The following NTRK3 variants were observed in gnomAD, a reference collection of about 807,000 sequenced individuals.
The protein encoded by NTRK3 is NT-3 growth factor receptor.
NTRK3 carries 24 observed loss-of-function variants against 91.7 expected under a neutral mutation model. The observed-to-expected ratio is 0.26, with a 90% CI of 0.19 to 0.37. The LOEUF (loss-of-function observed/expected upper bound fraction) is 0.37. Ranked by LOEUF, NTRK3 falls within the 10% of genes least tolerant of loss-of-function variation. The pLI, the probability that NTRK3 is intolerant of heterozygous loss-of-function variation, is 1.00. For missense variants in NTRK3, 880 were observed against 1,068.9 expected (o/e 0.82, Z 2.46); for synonymous variants, 483 against 404.0 (o/e 1.20, Z -2.34).
At chr15:87,999,817 G>A (rs889495466) in intron 14 of NTRK3, among the ~76,000 whole-genome samples, 10 of 152,300 alleles carry the variant, frequency 6.6e-5, no homozygotes, top group African/African-American at 2.2e-4. Context: ...ATCAAAGAGG[G>A]AGGGAGGAGG....
chr15:88,151,402 AG>A (rs2043363697), intron 5 of NTRK3, among the ~76,000 whole-genome samples: 2 of 152,148 alleles, frequency 1.3e-5, no homozygotes, highest in African/African-American at 2.4e-5. Context: ...GACAGAGCTG[AG>A]ATGTCACCTC....
chr15:88,078,335 T>G (rs78911103), intron 13 of NTRK3, among the ~76,000 whole-genome samples: 4,631 of 152,184 alleles, frequency 0.03, 224 homozygotes, highest in African/African-American at 0.1. Context: ...AACAGGTGCT[T>G]CGATAATAGT....
intron 17 of NTRK3, among the ~76,000 whole-genome samples, chr15:87,912,368 C>A (rs1402431139): frequency 6.6e-6 from 1 of 152,154 alleles, no homozygotes; most frequent in African/African-American, 2.4e-5. Flanking sequence ...AAACTCTCAT[C>A]CCTTGAAAAA....
exon 6 of NTRK3, chr15:88,147,357 G>C: frequency 2.5e-6 from 4 of 1,613,748 alleles, no homozygotes; most frequent in Non-Finnish European, 3.4e-6. Flanking sequence ...CTCAGCGTCT[G>C]GAAGAGCTGC....
chr15:88,092,033 TCAC>T (rs1258255673), intron 13 of NTRK3, among the ~76,000 whole-genome samples: 11 of 152,140 alleles, frequency 7.2e-5, no homozygotes, highest in Non-Finnish European at 1.6e-4. Flanking sequence ...AGATCACACA[TCAC>T]AACAAGGCAA....
At chr15:88,096,413 G>A (rs549483909) in intron 13 of NTRK3, among the ~76,000 whole-genome samples, 111 of 152,258 alleles carry the variant, frequency 7.3e-4, no homozygotes, top group African/African-American at 2.5e-3. Context: ...AGCCCCACTG[G>A]AGAAGACCCT....
intron 13 of NTRK3, among the ~76,000 whole-genome samples, chr15:88,106,809 T>C (rs2050758523): frequency 6.6e-6 from 1 of 152,006 alleles, no homozygotes; most frequent in African/African-American, 2.4e-5. Flanking sequence ...GGTGGGTGCC[T>C]GTAATCCCAG....
chr15:88,106,643 T>A (rs1389789185), intron 13 of NTRK3, among the ~76,000 whole-genome samples: 1 of 152,114 alleles, frequency 6.6e-6, no homozygotes, highest in South Asian at 2.1e-4. Context: ...AAAATATGTA[T>A]GAGAATGGGC....
intron 14 of NTRK3, chr15:87,979,281 C>G: frequency 8.4e-7 from 1 of 1,191,672 alleles, no homozygotes; most frequent in Non-Finnish European, 1.3e-6. Flanking sequence ...CCTAGAGCTT[C>G]CAACCTCTCA....
chr15:87,877,114 C>T (rs56393451), exon 19 of NTRK3: 1 of 1,614,032 alleles, frequency 6.2e-7, no homozygotes, highest in Non-Finnish European at 8.5e-7. Flanking sequence ...GTAATGCACT[C>T]AATGACCTGA....
At chr15:87,932,727 C>T (rs538926144) in intron 16 of NTRK3, among the ~76,000 whole-genome samples, 2 of 152,250 alleles carry the variant, frequency 1.3e-5, no homozygotes, top group African/African-American at 4.8e-5. Context: ...TGTGGGGCTT[C>T]CAGACTCCTT....
intron 14 of NTRK3, among the ~76,000 whole-genome samples, chr15:87,984,284 G>C (rs78759080): frequency 0.032 from 4,848 of 152,316 alleles, 280 homozygotes; most frequent in African/African-American, 0.11. Flanking sequence ...GAATCTTGGT[G>C]AAGAAAGGAT....
rs1263125528 is a variant in NTRK3, at chr15:88,234,543, C to T, written c.248+21363G>A. 6.6e-6 allele frequency among the ~76,000 whole-genome samples: 1 copy of T among 152,148 alleles called. No homozygotes were observed. The highest frequency in any genetic ancestry group is 1.5e-5 in the Non-Finnish European group (1 of 68,020). ...TCCCTCCTCTAGACTAGCTCTCCAT[C>T]GCCTCTGCCCTCGCCATGTTGCTAG... On this transcript the variant is annotated intron_variant, in intron 3 of 18. Transcript: ENST00000394480. The surrounding 1 kb of genome is among the most constrained non-coding windows in gnomAD (Gnocchi z 6.1).
At chr15:87,932,290 A>G (rs920151182) in intron 16 of NTRK3, among the ~76,000 whole-genome samples, 1 of 152,198 alleles carries the variant, frequency 6.6e-6, no homozygotes, top group African/African-American at 2.4e-5. Context: ...AGAACTTTCT[A>G]TTGATGGAAA....
At chr15:87,896,908 T>C (rs2066158711) in intron 17 of NTRK3, among the ~76,000 whole-genome samples, 1 of 152,204 alleles carries the variant, frequency 6.6e-6, no homozygotes, top group South Asian at 2.1e-4. Context: ...AGAGACAAAC[T>C]GAATATCTCA....
At chr15:88,000,142 A>G (rs1305359143) in intron 14 of NTRK3, among the ~76,000 whole-genome samples, 1 of 152,218 alleles carries the variant, frequency 6.6e-6, no homozygotes, top group African/African-American at 2.4e-5. Context: ...TGGAAGTCTG[A>G]GGATTTAGAC....
chr15:88,130,286 C>A (rs1437424066), intron 10 of NTRK3, among the ~76,000 whole-genome samples: 4 of 152,078 alleles, frequency 2.6e-5, no homozygotes, highest in Admixed American at 2.6e-4. Flanking sequence ...AATGCTCTTC[C>A]TTACAAGAGA....
intron 3 of NTRK3, among the ~76,000 whole-genome samples, chr15:88,189,844 G>T (rs1232462570): frequency 6.6e-6 from 1 of 152,116 alleles, no homozygotes; most frequent in Non-Finnish European, 1.5e-5. Flanking sequence ...AAAATTGGAT[G>T]GTACAGAATG....
At position 88,127,245 on chromosome 15, in the gene NTRK3, AAGG is replaced by A. The variant is rs567031755; in HGVS notation, c.1229-22_1229-20del. The A allele has an allele frequency of 4.7e-3, 7,541 of 1,611,132 alleles. 23 individuals carry two copies. The highest frequency in any genetic ancestry group is 5.5e-3 in the Non-Finnish European group (6,434 of 1,177,608). ...TCGTCAACTGAAAACCAAACACAAAAAGGAGGAGGACAGTTAGCTTCCCGGCTG... is the reference window on the plus strand; with the variant it reads ...TCGTCAACTGAAAACCAAACACAAAAAGGAGGACAGTTAGCTTCCCGGCTG... On this transcript the variant is annotated intron_variant, in intron 11 of 18. Transcript: ENST00000394480.
Sources: gnomAD v4.1 joint callset for allele counts (sites outside exome capture counted in the v4.1 genomes callset) on GRCh38, gnomAD v4.1.1 for gene constraint, Gnocchi (gnomAD v3.1) non-coding constraint, MANE v1.5 for transcripts, NCBI Gene and HGNC (gene_info 2026-07-23, HGNC 2026-07-21) for gene names.